The following PPARGC1A variants were observed in gnomAD, a reference collection of about 807,000 sequenced individuals.
PPARGC1A encodes the protein PPARG coactivator 1 alpha, also known as peroxisome proliferator-activated receptor gamma coactivator 1-alpha.
Under a neutral mutation model 88.7 loss-of-function variants are expected in PPARGC1A, and 25 were observed. The observed-to-expected ratio is 0.28, with a 90% CI of 0.21 to 0.39. PPARGC1A has a LOEUF of 0.39. PPARGC1A is among the 10% of genes least tolerant of loss of function. PPARGC1A has a pLI of 1.00. For missense variants in PPARGC1A, 880 were observed against 968.7 expected (o/e 0.91, Z 1.22); for synonymous variants, 363 against 355.6 (o/e 1.02, Z -0.24).
the PPARGC1A span, among the ~76,000 whole-genome samples, chr4:24,196,607 A>G: frequency 1.1e-4 from 16 of 152,346 alleles, no homozygotes; most frequent in East Asian, 1.7e-3. Flanking sequence ...GAACAGTGAC[A>G]GGCAGGTGCT....
At chr4:24,165,704 T>G in the PPARGC1A span, among the ~76,000 whole-genome samples, 15 of 152,286 alleles carry the variant, frequency 9.8e-5, no homozygotes, top group Admixed American at 3.9e-4. Context: ...ATGTTACTAT[T>G]GTATTTGTAT....
chr4:24,293,416 G>C, the PPARGC1A span, among the ~76,000 whole-genome samples: 1 of 2,746 alleles, frequency 3.6e-4, no homozygotes. Flanking sequence ...TACCCCCTCA[G>C]CCTCACCACT....
At chr4:24,145,790 A>C in the PPARGC1A span, among the ~76,000 whole-genome samples, 119 of 152,328 alleles carry the variant, frequency 7.8e-4, 1 homozygote, top group Middle Eastern at 3.4e-3. Flanking sequence ...GGCCTTGTTT[A>C]TACTTCTGCC....
At chr4:24,386,190 AC>A in the PPARGC1A span, among the ~76,000 whole-genome samples, 3 of 152,006 alleles carry the variant, frequency 2.0e-5, no homozygotes, top group Admixed American at 6.6e-5. Flanking sequence ...AAAATTCAAC[AC>A]CCCTTCATGC....
At chr4:24,245,156 T>C in the PPARGC1A span, among the ~76,000 whole-genome samples, 1 of 152,236 alleles carries the variant, frequency 6.6e-6, no homozygotes, top group African/African-American at 2.4e-5. Flanking sequence ...TGTGTCTTCA[T>C]GAATAACGCA....
At chr4:24,161,465 G>A in the PPARGC1A span, among the ~76,000 whole-genome samples, 32 of 152,164 alleles carry the variant, frequency 2.1e-4, no homozygotes, top group East Asian at 5.8e-4. Flanking sequence ...GCTGTGTGCC[G>A]ATAAGAGGCC....
At chr4:24,250,657 A>C in the PPARGC1A span, among the ~76,000 whole-genome samples, 7 of 152,190 alleles carry the variant, frequency 4.6e-5, no homozygotes, top group Admixed American at 2.0e-4. Flanking sequence ...GAGGAGGAGG[A>C]AAAAACTAAA....
the PPARGC1A span, among the ~76,000 whole-genome samples, chr4:23,933,100 TTCTGGTGCCAAAACG>T: frequency 6.6e-6 from 1 of 152,200 alleles, no homozygotes; most frequent in Non-Finnish European, 1.5e-5. Flanking sequence ...TTCCCAATTC[TTCTGGTGCCAAAACG>T]TCTGAAAGCT....
intron 5 of PPARGC1A, chr4:23,825,333 T>A (rs1266290998): frequency 6.6e-6 from 1 of 152,154 alleles, no homozygotes; most frequent in Non-Finnish European, 1.5e-5. Flanking sequence ...TATCTATGCT[T>A]ATCTATAAGC....
At chr4:24,179,266 A>G in the PPARGC1A span, among the ~76,000 whole-genome samples, 1 of 152,138 alleles carries the variant, frequency 6.6e-6, no homozygotes. Flanking sequence ...GGTTGTAACA[A>G]ATTGCAAAAG....
the PPARGC1A span, among the ~76,000 whole-genome samples, chr4:24,110,235 T>C: frequency 1.3e-5 from 2 of 152,170 alleles, no homozygotes; most frequent in Non-Finnish European, 2.9e-5. Context: ...AATGGACACA[T>C]TGTGTATGGA....
chr4:23,889,467 G>C (rs562411398), intron 1 of PPARGC1A: 1 of 646,604 alleles, frequency 1.5e-6, no homozygotes, highest in Non-Finnish European at 1.9e-6. Context: ...ATCCGGACTA[G>C]AGTCAAAACG....
upstream of PPARGC1A, among the ~76,000 whole-genome samples, chr4:23,907,273 G>T (rs527319445): frequency 5.9e-5 from 9 of 152,294 alleles, no homozygotes; most frequent in South Asian, 1.7e-3. Context: ...TAACCGAGTA[G>T]CAATGAAAGT....
chr4:24,262,186 C>A, the PPARGC1A span, among the ~76,000 whole-genome samples: 1 of 152,036 alleles, frequency 6.6e-6, no homozygotes, highest in Admixed American at 6.5e-5. Flanking sequence ...TGCTTCTGGG[C>A]CCGTGGTAAT....
upstream of PPARGC1A, among the ~76,000 whole-genome samples, chr4:23,891,997 G>A (rs150476586): frequency 0.027 from 4,036 of 152,268 alleles, 81 homozygotes; most frequent in Non-Finnish European, 0.043. Context: ...GCCAAGAAGA[G>A]TCAATGTTTA....
At chr4:23,930,035 C>G in the PPARGC1A span, among the ~76,000 whole-genome samples, 1 of 152,190 alleles carries the variant, frequency 6.6e-6, no homozygotes, top group African/African-American at 2.4e-5. Flanking sequence ...TTTTGTCACC[C>G]CACTCCAGGG....
chr4:24,207,925 T>G, the PPARGC1A span, among the ~76,000 whole-genome samples: 26 of 152,306 alleles, frequency 1.7e-4, no homozygotes, highest in East Asian at 4.8e-3. Context: ...TTATTAAGTT[T>G]CTGCCCTTCC....
At chr4:24,089,480 T>TTTTTCTTTTCTTTTCTTTTCTTTTC in the PPARGC1A span, among the ~76,000 whole-genome samples, 3 of 128,734 alleles carry the variant, frequency 2.3e-5, no homozygotes, top group African/African-American at 5.8e-5. Context: ...CTAGGATGCC[T>TTTTTCTTTTCTTTTCTTTTCTTTTC]TTTTCTTTTC....
the PPARGC1A span, among the ~76,000 whole-genome samples, chr4:24,236,727 T>C: frequency 1.3e-5 from 2 of 152,194 alleles, no homozygotes; most frequent in African/African-American, 4.8e-5. Context: ...TTTAAATGTG[T>C]ACAAATGACA....
Sources: allele counts gnomAD v4.1 joint callset (sites outside exome capture counted in the v4.1 genomes callset), GRCh38; gene constraint gnomAD v4.1.1; transcripts MANE v1.5; gene names NCBI Gene and HGNC (gene_info 2026-07-23, HGNC 2026-07-21).